Variants in ANKMY1 observed in about 807,000 individuals in gnomAD.
The protein encoded by ANKMY1 is ankyrin repeat and MYND domain-containing protein 1.
In ANKMY1, 98 loss-of-function variants were observed where a neutral mutation model predicts 102.0. The observed-to-expected ratio is 0.96, with a 90% CI of 0.82 to 1.14. The LOEUF is 1.14. ANKMY1 is among the 50% of genes most tolerant of loss of function. ANKMY1 has a pLI of 0.00. For synonymous variants in ANKMY1, 582 were observed against 559.9 expected (o/e 1.04, Z -0.56); for missense variants, 1,330 against 1,347.6 (o/e 0.99, Z 0.20).
intron 12 of ANKMY1, 115 bp from the exon 13 acceptor site, chr2:240,507,806 G>A: frequency 1.5e-6 from 2 of 1,305,606 alleles, no homozygotes; most frequent in Non-Finnish European, 2.0e-6. Flanking sequence ...GGGCTTCACG[G>A]AGGCCACCGC....
chr2:240,557,717 G>A (rs2125291028), intron 1 of ANKMY1, among the ~76,000 whole-genome samples, 164 bp downstream of exon 1: 1 of 152,242 alleles, frequency 6.6e-6, no homozygotes, highest in African/African-American at 2.4e-5. Flanking sequence ...GCGCTCGAGG[G>A]TGGGCTCGGG....
chr2:240,532,706 C>G (rs2085733866), intron 4 of ANKMY1, among the ~76,000 whole-genome samples: 1 of 152,160 alleles, frequency 6.6e-6, no homozygotes, highest in Non-Finnish European at 1.5e-5. Flanking sequence ...AAGTTTACAG[C>G]CATGAATCCA....
At chr2:240,502,352 G>A (rs556792965) in intron 13 of ANKMY1, among the ~76,000 whole-genome samples, 5 of 151,812 alleles carry the variant, frequency 3.3e-5, no homozygotes, top group African/African-American at 9.7e-5. Flanking sequence ...TCACCCTGCT[G>A]GGCACCTTCT....
At chr2:240,491,320 GA>G (rs1389970430) in intron 15 of ANKMY1, among the ~76,000 whole-genome samples, 1 of 152,072 alleles carries the variant, frequency 6.6e-6, no homozygotes, top group African/African-American at 2.4e-5. Context: ...CTTTTAAGAG[GA>G]TAATTTAATT....
intron 13 of ANKMY1, 107 bp from the exon 14 acceptor site, chr2:240,500,672 C>A: frequency 1.1e-6 from 1 of 926,316 alleles, no homozygotes; most frequent in Non-Finnish European, 1.7e-6. Flanking sequence ...CCCACCAAGG[C>A]CGCCCTTGCA....
intron 4 of ANKMY1, among the ~76,000 whole-genome samples, chr2:240,535,554 G>A (rs2086523892): frequency 6.6e-6 from 1 of 152,172 alleles, no homozygotes; most frequent in South Asian, 2.1e-4. Context: ...TCCCACAAGA[G>A]ACTTTGCAGG....
intron 4 of ANKMY1, among the ~76,000 whole-genome samples, chr2:240,536,239 AG>A (rs1359445747): frequency 6.6e-6 from 1 of 152,264 alleles, no homozygotes; most frequent in Non-Finnish European, 1.5e-5. Context: ...TCAGGTAAGA[AG>A]AAAACTAGAA....
At chr2:240,534,545 C>T (rs1011819891) in intron 4 of ANKMY1, among the ~76,000 whole-genome samples, 4 of 148,410 alleles carry the variant, frequency 2.7e-5, no homozygotes, top group Admixed American at 6.7e-5. Flanking sequence ...AATGCTGCAG[C>T]GAGCCGTGGT....
Position 240,557,761 on chromosome 2 carries a change from C to A in ANKMY1, c.-18+120G>T, listed in dbSNP as rs1253217709. 4 of 612,198 alleles carry A rather than the reference C, an allele frequency of 6.5e-6. No homozygotes were observed. In the African/African-American group the frequency reaches 8.0e-5, roughly 12 times the overall value. 37.9% of individuals were successfully genotyped at this position (612,198 alleles called of 1,614,324 possible). A position where few individuals can be genotyped will look rare whatever the true frequency, so the allele number is the denominator to read the frequency against. On this transcript the variant is annotated intron_variant, in intron 1 of 17. Coordinates refer to ENST00000401804, the MANE Select transcript of ANKMY1 (RefSeq NM_001282771.3). ...CGCCCACCTAACCCCACGCCCCCAG[C>A]CCCTCGGCCCCTCCCTGGGGTGGGG...
chr2:240,544,979 G>C (rs931367152), intron 4 of ANKMY1, among the ~76,000 whole-genome samples: 3 of 152,322 alleles, frequency 2.0e-5, no homozygotes, highest in East Asian at 1.9e-4. Context: ...CAAAGCAGCC[G>C]GGAAGCTCCA....
upstream of ANKMY1, chr2:240,560,300 C>A (rs2092839906): frequency 1.2e-5 from 2 of 170,056 alleles, no homozygotes. Flanking sequence ...CCCGGCCAAG[C>A]CACGCCTCCG....
At chr2:240,525,648 A>C in intron 7 of ANKMY1, 37 bp downstream of exon 7, 2 of 1,604,188 alleles carry the variant, frequency 1.2e-6, no homozygotes, top group Non-Finnish European at 1.7e-6. Context: ...AGACTACAGG[A>C]GACAGTTGGT....
At position 240,524,121 on chromosome 2, in the gene ANKMY1, G is replaced by A. The variant is rs2082873284; in HGVS notation, c.1596C>T (p.Gly532=). ...CGTCCTCAAGCCCGCTTTCCACATG[G>A]CCAAGGCTGCCCTTCACCAACGGGG... ...GDSPLVKGSL[G]HVESGLEDVL... The change falls in exon 8 of 18, where the codon GGC becomes GGT. Residue 532 remains glycine (G), a synonymous_variant. Coordinates refer to ENST00000401804, the MANE Select transcript of ANKMY1 (RefSeq NM_001282771.3). 6.2e-7 allele frequency: 1 copy of A among 1,614,008 alleles called. No individual in the cohort carries two copies. The highest frequency in any genetic ancestry group is 8.5e-7 in the Non-Finnish European group (1 of 1,180,036).
At chr2:240,484,284 C>T (rs2075785291) in intron 15 of ANKMY1, among the ~76,000 whole-genome samples, 1 of 152,168 alleles carries the variant, frequency 6.6e-6, no homozygotes, top group Non-Finnish European at 1.5e-5. Flanking sequence ...AGGCATTACG[C>T]TACCTGACTT....
Position 240,479,427 on chromosome 2 carries a change from T to C in ANKMY1, c.*182A>G. Reference sequence around the variant, plus strand: ...TAGGGGCAGAGCACAGCACAGACTGTCAAAATCACCCCGTGGGGCCAATTT... The same window carrying C: ...TAGGGGCAGAGCACAGCACAGACTGCCAAAATCACCCCGTGGGGCCAATTT... On this transcript the variant is annotated 3_prime_UTR_variant, in exon 18 of 18. Transcript: ENST00000401804. The C allele has an allele frequency of 2.7e-6, 2 of 739,860 alleles. No homozygotes were observed. The highest frequency in any genetic ancestry group is 4.4e-5 in the Admixed American group (2 of 45,834). 45.8% of individuals were successfully genotyped at this position (739,860 alleles called of 1,614,324 possible).
intron 9 of ANKMY1, among the ~76,000 whole-genome samples, chr2:240,515,243 T>C (rs1017603149): frequency 2.7e-4 from 41 of 152,288 alleles, no homozygotes; most frequent in African/African-American, 9.1e-4. Flanking sequence ...TGCTCTTTAA[T>C]AGAAAATTGT....
rs2077859462 is a variant in ANKMY1, at chr2:240,499,836, C to A, written c.2806+122G>T. 1.5e-6 allele frequency: 2 copies of A among 1,304,450 alleles called. No individual in the cohort carries two copies. The highest frequency in any genetic ancestry group is 2.1e-6 in the Non-Finnish European group (2 of 974,190). 80.8% of individuals were successfully genotyped at this position (1,304,450 alleles called of 1,614,324 possible). ...GACACAAAGGGGACAAGCCGACGAG[C>A]CCAGCCCCAGGAAGGCCCCTCCAAG... On this transcript the variant is annotated intron_variant, in intron 15 of 17. Transcript: ENST00000401804. The surrounding 1 kb of genome is among the most constrained non-coding windows in gnomAD (Gnocchi z 4.2).
intron 1 of ANKMY1, 125 bp from the exon 2 acceptor site, chr2:240,557,477 G>A (rs776560205): frequency 1.7e-6 from 2 of 1,161,558 alleles, no homozygotes; most frequent in South Asian, 2.3e-5. Flanking sequence ...GAACCGCGCC[G>A]GAGCCTGGGC....
intron 4 of ANKMY1, among the ~76,000 whole-genome samples, chr2:240,534,017 C>A (rs142179075): frequency 6.6e-6 from 1 of 152,328 alleles, no homozygotes; most frequent in African/African-American, 2.4e-5. Context: ...TGCCATTCTG[C>A]GTATTGAGAT....
Sources: allele counts gnomAD v4.1 joint callset (sites outside exome capture counted in the v4.1 genomes callset), GRCh38; gene constraint gnomAD v4.1.1; non-coding constraint Gnocchi (gnomAD v3.1); transcripts MANE v1.5; gene names NCBI Gene and HGNC (gene_info 2026-07-23, HGNC 2026-07-21).